The following C2CD3 variants were observed in gnomAD, a reference collection of about 807,000 sequenced individuals.
The protein encoded by C2CD3 is C2 domain-containing protein 3.
C2CD3 carries 148 observed loss-of-function variants against 234.0 expected under a neutral mutation model. The ratio of observed to expected loss-of-function variants is 0.63; its 90% CI spans 0.55 to 0.72. The LOEUF (loss-of-function observed/expected upper bound fraction) is 0.72, where lower values mean the gene tolerates loss of function less well. Ranked by LOEUF, C2CD3 falls within the 30% of genes least tolerant of loss-of-function variation. The pLI, the probability that C2CD3 is intolerant of heterozygous loss-of-function variation, is 0.00. For missense variants in C2CD3, 2,577 were observed against 2,811.5 expected, an observed-to-expected ratio of 0.92 and a Z score of 1.89; for synonymous variants, 1,000 against 1,035.4, an observed-to-expected ratio of 0.97 and a Z score of 0.66.
At chr11:74,016,972 G>A (rs12286033) in intron 32 of C2CD3, among the ~76,000 whole-genome samples, 3,886 of 152,180 alleles carry the variant, frequency 0.026, 155 homozygotes, top group African/African-American at 0.087. Flanking sequence ...TCCCTGGAGC[G>A]GGAACTTAAA....
chr11:74,075,938 G>A (rs1955017649), intron 23 of C2CD3, among the ~76,000 whole-genome samples: 1 of 152,226 alleles, frequency 6.6e-6, no homozygotes, highest in Admixed American at 6.5e-5. Context: ...AGAGGGATAT[G>A]GAGAAGTATG....
chr11:74,151,691 T>C (rs1433151720), intron 3 of C2CD3, among the ~76,000 whole-genome samples: 1 of 152,192 alleles, frequency 6.6e-6, no homozygotes. Flanking sequence ...CAATGTTCAG[T>C]ATTCAATAAA....
At chr11:74,118,985 G>A (rs562255574) in intron 8 of C2CD3, among the ~76,000 whole-genome samples, 6 of 146,962 alleles carry the variant, frequency 4.1e-5, no homozygotes, top group South Asian at 2.1e-4. Context: ...ACAGCTCACT[G>A]CAACCCTGAC....
chr11:74,016,026 A>G (rs1951869184), intron 32 of C2CD3, among the ~76,000 whole-genome samples: 1 of 152,170 alleles, frequency 6.6e-6, no homozygotes. Context: ...GCAGTAAGCC[A>G]TGATCATGCT....
intron 14 of C2CD3, among the ~76,000 whole-genome samples, chr11:74,102,445 A>C (rs1334066659): frequency 2.6e-5 from 4 of 152,262 alleles, no homozygotes; most frequent in Non-Finnish European, 5.9e-5. Context: ...GCTTATATAG[A>C]AATGTAGACA....
rs200028171 is a variant in C2CD3, at chr11:74,123,120, T to C, written c.1233A>G (p.Gln411=). The C allele has an allele frequency of 1.9e-6, 3 of 1,613,026 alleles. No homozygotes were observed. The highest frequency in any genetic ancestry group is 2.2e-5 in the East Asian group (1 of 44,864). ...AGCCTAGCCCATCCCAGAAATTGCC[T>C]TGGGATAATTCAGCACTGCAGAGAT... ...QLLLGSAELS[Q]GNFWDGLGSP... The change falls in exon 8 of 33, where the codon CAA becomes CAG. Residue 411 remains glutamine, a synonymous_variant. Coordinates refer to ENST00000334126, the MANE Select transcript of C2CD3 (RefSeq NM_001286577.2).
In C2CD3 at chr11:74,078,381, G is replaced by T; in HGVS notation, c.4337C>A (p.Ala1446Asp). The change falls in exon 23 of 33, where the codon GCC becomes GAC. Residue 1446 changes from alanine (A) to aspartate (D), a missense_variant. Ala to Asp is a moderately radical substitution (Grantham distance 126). Transcript: ENST00000334126. ...AGGCTTCTTGAGAGGGGTCCAAAAGGCTTCATGATCATAGAACTTGTAGCG... is the reference window on the plus strand; with the variant it reads ...AGGCTTCTTGAGAGGGGTCCAAAAGTCTTCATGATCATAGAACTTGTAGCG... Reference protein sequence around the residue: ...YLRYKFYDHEAFWTPLKKPKE... With the variant: ...YLRYKFYDHEDFWTPLKKPKE... 1.2e-6 allele frequency: 2 copies of T among 1,614,184 alleles called. No homozygotes were observed. Among genetic ancestry groups the T allele is most frequent in the Non-Finnish European group, 8.5e-7 (1 of 1,180,036 alleles).
At chr11:74,039,196 T>G (rs1228944734) in intron 29 of C2CD3, among the ~76,000 whole-genome samples, 3 of 152,222 alleles carry the variant, frequency 2.0e-5, no homozygotes, top group African/African-American at 7.2e-5. Flanking sequence ...ACTGGTCTTG[T>G]TAGACCAGTG....
intron 32 of C2CD3, among the ~76,000 whole-genome samples, chr11:74,027,012 C>T (rs1565205871): frequency 6.6e-6 from 1 of 151,936 alleles, no homozygotes; most frequent in East Asian, 1.9e-4. Flanking sequence ...TTGGGTGACC[C>T]TGGGTAAGTG....
intron 29 of C2CD3, among the ~76,000 whole-genome samples, chr11:74,039,315 G>C (rs1430564911): frequency 6.6e-6 from 1 of 152,176 alleles, no homozygotes; most frequent in East Asian, 1.9e-4. Flanking sequence ...TGAAATGATA[G>C]CTGTGATTCA....
intron 26 of C2CD3, among the ~76,000 whole-genome samples, chr11:74,052,069 T>C (rs1953717106): frequency 6.6e-6 from 1 of 152,130 alleles, no homozygotes; most frequent in South Asian, 2.1e-4. Context: ...AAGCTTAGCG[T>C]TCCAATAATG....
intron 24 of C2CD3, among the ~76,000 whole-genome samples, chr11:74,060,764 G>A (rs571144467): frequency 3.8e-4 from 58 of 152,306 alleles, no homozygotes; most frequent in Non-Finnish European, 7.2e-4. Context: ...AAAGTTGGAC[G>A]GAGAATGACT....
In C2CD3 at chr11:74,106,359, A is replaced by T; in HGVS notation, c.2085+12T>A. 1.2e-6 allele frequency: 2 copies of T among 1,613,530 alleles called. No homozygotes were observed. Among genetic ancestry groups the T allele is most frequent in the Non-Finnish European group, 1.7e-6 (2 of 1,179,726 alleles). On this transcript the variant is annotated intron_variant, in intron 13 of 32. Coordinates refer to ENST00000334126, the MANE Select transcript of C2CD3 (RefSeq NM_001286577.2). ...CAAATACTTCTGACTTCCTGAATGT[A>T]TATCTACATACCTTGAGGGGGCCAA...
chr11:74,135,945 C>A (rs1957849753), intron 5 of C2CD3, among the ~76,000 whole-genome samples: 1 of 151,848 alleles, frequency 6.6e-6, no homozygotes, highest in South Asian at 2.1e-4. Context: ...AAGATGGTAA[C>A]AATAGAAACT....
At chr11:74,136,122 GAA>G (rs575109310) in intron 5 of C2CD3, among the ~76,000 whole-genome samples, 1 of 133,412 alleles carries the variant, frequency 7.5e-6, no homozygotes. Context: ...AAATAAAATT[GAA>G]AAAAAAAAAA....
intron 24 of C2CD3, among the ~76,000 whole-genome samples, chr11:74,065,707 T>A (rs1442471442): frequency 6.6e-6 from 1 of 151,516 alleles, no homozygotes; most frequent in Non-Finnish European, 1.5e-5. Context: ...ATGTGGCACA[T>A]ACACACCATG....
chr11:74,105,275 T>A (rs1956471479), intron 13 of C2CD3, among the ~76,000 whole-genome samples: 1 of 152,068 alleles, frequency 6.6e-6, no homozygotes, highest in African/African-American at 2.4e-5. Flanking sequence ...TGTGATGATT[T>A]TTTTTTTTCT....
At chr11:74,149,852 T>C (rs921754229) in intron 3 of C2CD3, among the ~76,000 whole-genome samples, 3 of 152,168 alleles carry the variant, frequency 2.0e-5, no homozygotes, top group African/African-American at 4.8e-5. Flanking sequence ...TTTTGAGACT[T>C]TGTATATACA....
intron 3 of C2CD3, among the ~76,000 whole-genome samples, chr11:74,140,316 C>T (rs184774586): frequency 1.8e-4 from 27 of 152,264 alleles, no homozygotes; most frequent in African/African-American, 6.3e-4. Context: ...TATTTCATTG[C>T]TTTATGCCTT....
Sources: gnomAD v4.1 joint callset for allele counts (sites outside exome capture counted in the v4.1 genomes callset) on GRCh38, gnomAD v4.1.1 for gene constraint, MANE v1.5 for transcripts, NCBI Gene and HGNC (gene_info 2026-07-23, HGNC 2026-07-21) for gene names.